The following CD163 variants were observed in gnomAD, a reference collection of about 807,000 sequenced individuals.
CD163 encodes the protein CD163 molecule.
A neutral mutation model predicts 129.2 loss-of-function variants in CD163; 64 were observed. The observed-to-expected ratio is 0.50, with a 90% CI of 0.41 to 0.61. The LOEUF (loss-of-function observed/expected upper bound fraction) is 0.61, where lower values mean the gene tolerates loss of function less well. Ranked by LOEUF, CD163 falls within the 20% of genes least tolerant of loss-of-function variation. The pLI is 0.00. For missense variants in CD163, 1,061 were observed against 1,377.9 expected (o/e 0.77, Z 3.64); for synonymous variants, 446 against 478.5 (o/e 0.93, Z 0.89).
At chr12:7,472,853 G>T (rs1949025220) in intron 16 of CD163, among the ~76,000 whole-genome samples, 1 of 152,166 alleles carries the variant, frequency 6.6e-6, no homozygotes. Context: ...CTGCTAACTA[G>T]AATAACCAGT....
Position 7,488,170 on chromosome 12 carries a change from A to G in CD163, c.1421-83T>C, listed in dbSNP as rs1592002279. The G allele has an allele frequency of 7.1e-6, 10 of 1,407,788 alleles. No individual in the cohort carries two copies. The East Asian group carries it at 1.7e-4, about 25-fold the overall frequency. 87.2% of individuals were successfully genotyped at this position (1,407,788 alleles called of 1,614,324 possible). On this transcript the variant is annotated intron_variant, in intron 6 of 16. Transcript: ENST00000432237. Reference sequence around the variant, plus strand: ...GATGAGGGTGAAGAAGGTGGTGTGGAGTGGGAAATGGAGACCAGGGTGCTC... The same window carrying G: ...GATGAGGGTGAAGAAGGTGGTGTGGGGTGGGAAATGGAGACCAGGGTGCTC...
Position 7,486,610 on chromosome 12 carries a change from G to T in CD163, c.2347C>A (p.Leu783Met). 4.3e-6 allele frequency: 7 copies of T among 1,614,136 alleles called. No individual in the cohort carries two copies. In the South Asian group the frequency reaches 4.4e-5, roughly 10 times the overall value. The change falls in exon 10 of 17, where the codon CTG becomes ATG. Residue 783 changes from leucine (L) to methionine (M), a missense_variant. Coordinates refer to ENST00000432237, the MANE Select transcript of CD163 (RefSeq NM_203416.4). ...HFGEGTGPIW[L>M]DEMKCNGKES... ...TTTCCATTGCATTTCATCTCATCCAGCCAGATGGGCCCTGTTCCTTCCCCA... is the reference window on the plus strand; with the variant it reads ...TTTCCATTGCATTTCATCTCATCCATCCAGATGGGCCCTGTTCCTTCCCCA...
chr12:7,502,357 A>G (rs1949502583), intron 2 of CD163, 121 bp downstream of exon 2: 1 of 747,926 alleles, frequency 1.3e-6, no homozygotes, highest in Non-Finnish European at 2.4e-6. Flanking sequence ...TGATCCTTTG[A>G]ATACATGGAG....
intron 6 of CD163, 110 bp downstream of exon 6, chr12:7,494,971 C>A: frequency 1.3e-6 from 1 of 799,938 alleles, no homozygotes; most frequent in Non-Finnish European, 2.1e-6. Flanking sequence ...TAGATATTTC[C>A]TGGTTTCTTG....
rs1388472340 is a variant in CD163 at position 7,482,979 on chromosome 12, T to C, written c.3114A>G (p.Gln1038=). 1.9e-6 allele frequency: 3 copies of C among 1,613,778 alleles called. No individual in the cohort carries two copies. The highest frequency in any genetic ancestry group is 2.5e-6 in the Non-Finnish European group (3 of 1,179,910). Reference sequence around the variant, plus strand: ...TCCATGATATACCTGTTGTGGCTTTTTGTGGGGTTTTCTGCACTGAAATAT... The same window carrying C: ...TCCATGATATACCTGTTGTGGCTTTCTGTGGGGTTTTCTGCACTGAAATAT... ...CTDISVQKTP[Q]KATTGRSSRQ... The change falls in exon 13 of 17, where the codon CAA becomes CAG. Residue 1038 remains glutamine (Q), a synonymous_variant. Coordinates refer to ENST00000432237, the MANE Select transcript of CD163 (RefSeq NM_203416.4).
At chr12:7,503,582 G>T in intron 1 of CD163, 63 bp downstream of exon 1, 1 of 1,081,330 alleles carries the variant, frequency 9.2e-7, no homozygotes, top group Non-Finnish European at 1.4e-6. Flanking sequence ...CACATCCATT[G>T]ACTGTCATAA....
intron 16 of CD163, chr12:7,471,995 G>C (rs1949012469): frequency 6.6e-6 from 1 of 152,342 alleles, no homozygotes; most frequent in African/African-American, 2.4e-5. Context: ...TGGCCAGATT[G>C]CCTCTCTAGA....
intron 6 of CD163, among the ~76,000 whole-genome samples, chr12:7,493,829 C>T (rs1256074946): frequency 6.6e-6 from 1 of 151,444 alleles, no homozygotes; most frequent in Non-Finnish European, 1.5e-5. Flanking sequence ...TTTTAAAATC[C>T]AAATAATGGT....
At chr12:7,479,824 G>A (rs1446102113) in intron 16 of CD163, 36 bp downstream of exon 16, 13 of 1,602,364 alleles carry the variant, frequency 8.1e-6, no homozygotes, top group Non-Finnish European at 1.1e-5. Flanking sequence ...GAATGCAGCT[G>A]TTTTGAACAA....
chr12:7,495,045 C>T, intron 6 of CD163, 36 bp downstream of exon 6: 1 of 1,531,276 alleles, frequency 6.5e-7, no homozygotes, highest in Non-Finnish European at 9.0e-7. Flanking sequence ...TGGAAATTTA[C>T]ACCCTTCTTC....
chr12:7,486,464 T>C (rs375593859), intron 10 of CD163, 35 bp downstream of exon 10: 37 of 1,575,934 alleles, frequency 2.3e-5, no homozygotes, highest in Non-Finnish European at 2.6e-5. Flanking sequence ...CCTTTCTCTA[T>C]GTAATTATGA....
In CD163 at chr12:7,501,834, G is replaced by A. The variant is rs766649156; in HGVS notation, c.134-372C>T. Among the ~76,000 whole-genome samples, 4 of 152,280 alleles carry A rather than the reference G, an allele frequency of 2.6e-5. No individual in the cohort carries two copies. The South Asian group carries it at 8.3e-4, about 32-fold the overall frequency. ...TACATTTCTCCAAAATCCTAAGGTC[G>A]ATAGAAAGAAGGCTGATAGAGAATT... On this transcript the variant is annotated intron_variant, in intron 2 of 16. Transcript: ENST00000432237.
At position 7,496,771 on chromosome 12, in the gene CD163, C is replaced by G; in HGVS notation, c.1099+42G>C. 6.3e-7 allele frequency: 1 copy of G among 1,576,314 alleles called. No individual in the cohort carries two copies. The highest frequency in any genetic ancestry group is 8.7e-7 in the Non-Finnish European group (1 of 1,147,272). On this transcript the variant is annotated intron_variant, in intron 5 of 16. Transcript: ENST00000432237. This position sits in a 1 kb window ranked among gnomAD's most constrained non-coding sequence, Gnocchi z 4.8. ...CACAGGACTTTCCGTTTCTGCTTTT[C>G]TTTTTGTTTAGTGTTTTGGTTTTGG... is the stretch of plus-strand genomic sequence containing the variant.
chr12:7,496,716 C>T lies in CD163; in HGVS notation c.1099+97G>A. 1 of 1,001,920 alleles carries T rather than the reference C, an allele frequency of 1.0e-6. No homozygotes were observed. Among genetic ancestry groups the T allele is most frequent in the East Asian group, 2.4e-5 (1 of 41,682 alleles). The allele number at this position is 1,001,920 out of a possible 1,614,324, so 62.1% of individuals were successfully genotyped here. On this transcript the variant is annotated intron_variant, in intron 5 of 16. Coordinates refer to ENST00000432237, the MANE Select transcript of CD163 (RefSeq NM_203416.4). This position sits in a 1 kb window ranked among gnomAD's most constrained non-coding sequence, Gnocchi z 4.8. ...AGGAATTTACTAGGCATTTCTACTT[C>T]TTAAGGAGCACGTTCCTACTCTTAA...
chr12:7,478,594 C>A (rs7487755), intron 16 of CD163, among the ~76,000 whole-genome samples: 36,616 of 151,876 alleles, frequency 0.24, 6,143 homozygotes, highest in East Asian at 0.43. Flanking sequence ...TGTACAGTTT[C>A]TAAGAACTCT....
chr12:7,482,803 T>A (rs1949181218), intron 13 of CD163, 41 bp from the exon 14 acceptor site: 2 of 1,609,948 alleles, frequency 1.2e-6, no homozygotes, highest in Non-Finnish European at 1.7e-6. Context: ...TCATGTCTTA[T>A]CGAAAAGATC....
chr12:7,473,328 C>T (rs183573754), intron 16 of CD163: 4 of 152,230 alleles, frequency 2.6e-5, no homozygotes, highest in East Asian at 1.9e-4. Context: ...CAGAGAGAAA[C>T]GTCAGGTTAC....
intron 11 of CD163, 75 bp from the exon 12 acceptor site, chr12:7,483,750 A>T: frequency 1.2e-6 from 1 of 838,158 alleles, no homozygotes; most frequent in Non-Finnish European, 1.7e-6. Context: ...GAAAAGAGAG[A>T]TTTGAAACTT....
intron 6 of CD163, 146 bp downstream of exon 6, chr12:7,494,935 A>C: frequency 1.5e-6 from 1 of 684,598 alleles, no homozygotes; most frequent in South Asian, 1.9e-5. Context: ...TTGTAAACTT[A>C]TCTGACTCTC....
Sources: allele counts gnomAD v4.1 joint callset (sites outside exome capture counted in the v4.1 genomes callset), GRCh38; gene constraint gnomAD v4.1.1; non-coding constraint Gnocchi (gnomAD v3.1); transcripts MANE v1.5; gene names NCBI Gene and HGNC (gene_info 2026-07-23, HGNC 2026-07-21).